The following NXPH4 variants were observed in gnomAD, a reference collection of about 807,000 sequenced individuals.
The protein encoded by NXPH4 is neurexophilin-4.
A neutral mutation model predicts 21.3 loss-of-function variants in NXPH4; 8 were observed. The ratio of observed to expected loss-of-function variants is 0.38; its 90% CI spans 0.22 to 0.68. The LOEUF is 0.68. NXPH4 is among the 30% of genes least tolerant of loss of function. The pLI, the probability that NXPH4 is intolerant of heterozygous loss-of-function variation, is 0.53. For synonymous variants in NXPH4, 219 were observed against 192.6 expected (o/e 1.14, Z -1.13); for missense variants, 418 against 416.8 (o/e 1.00, Z -0.03).
At chr12:57,217,145 C>A in intron 1 of NXPH4, 119 bp downstream of exon 1, 6 of 894,070 alleles carry the variant, frequency 6.7e-6, no homozygotes, top group Non-Finnish European at 9.9e-6. Context: ...CCCAACTTTG[C>A]GCGGCGCGGG....
Position 57,225,532 on chromosome 12 carries a change from G to A in NXPH4, c.712G>A (p.Glu238Lys). 2.5e-6 allele frequency: 4 copies of A among 1,612,954 alleles called. No homozygotes were observed. The South Asian group carries it at 4.4e-5, about 18-fold the overall frequency. The change falls in exon 2 of 2, where the codon GAG (glutamate) becomes AAG (lysine). Residue 238 changes from glutamate to lysine, a missense_variant. Transcript: ENST00000349394. ...SRAFNCHVEYEKTNRARKHRP... is the reference protein window; with the variant it reads ...SRAFNCHVEYKKTNRARKHRP... Reference sequence around the variant, plus strand: ...CGCTTTCAATTGCCACGTGGAGTATGAGAAGACAAACCGCGCGCGCAAGCA... The same window carrying A: ...CGCTTTCAATTGCCACGTGGAGTATAAGAAGACAAACCGCGCGCGCAAGCA...
chr12:57,225,716 A>G lies in NXPH4; in HGVS notation c.896A>G (p.Asn299Ser). The change falls in exon 2 of 2, where the codon AAC becomes AGC. Residue 299 changes from asparagine to serine, a missense_variant. Physicochemically the swap from Asn to Ser is conservative, Grantham distance 46 (BLOSUM62 1). Coordinates refer to ENST00000349394, the MANE Select transcript of NXPH4 (RefSeq NM_007224.4). ...GTGCAGAAGGTGTGCCCAGACTATAACTTCCAGAGTGAGCACCCCTACTTC... is the reference window on the plus strand; with the variant it reads ...GTGCAGAAGGTGTGCCCAGACTATAGCTTCCAGAGTGAGCACCCCTACTTC... ...KLVQKVCPDY[N>S]FQSEHPYFG is the part of the protein sequence containing the mutation. The G allele has an allele frequency of 6.2e-7, 1 of 1,613,294 alleles. No homozygotes were observed.
chr12:57,225,188 T>C lies in NXPH4; in HGVS notation c.368T>C (p.Leu123Pro). ...GTGCATACCCTCAAGTTTTCGCTGC[T>C]GGTGACCGGCAAGATCGTGGACCAT... ...FRVHTLKFSL[L>P]VTGKIVDHVN... Residue 123 changes from leucine (L) to proline (P), a missense_variant, in exon 2 of 2, where the codon CTG becomes CCG. Physicochemically the swap from Leu to Pro is moderately conservative, Grantham distance 98 (BLOSUM62 -3). Coordinates refer to ENST00000349394, the MANE Select transcript of NXPH4 (RefSeq NM_007224.4). 1.9e-6 allele frequency: 3 copies of C among 1,590,802 alleles called. No individual in the cohort carries two copies. The highest frequency in any genetic ancestry group is 2.6e-6 in the Non-Finnish European group (3 of 1,168,738).
At position 57,216,962 on chromosome 12, in the gene NXPH4, C is replaced by T. The variant is rs1295470384; in HGVS notation, c.-8C>T. On this transcript the variant is annotated 5_prime_UTR_variant, in exon 1 of 2. Coordinates refer to ENST00000349394, the MANE Select transcript of NXPH4 (RefSeq NM_007224.4). The surrounding 1 kb of genome is among the most constrained non-coding windows in gnomAD (Gnocchi z 5.3). ...CGCCCAGCCTGCCCCGCTCAGCCGC[C>T]AGAGAAGATGCGGCTGCTCCCGGAA... is the stretch of plus-strand genomic sequence containing the variant. 1.3e-6 allele frequency: 2 copies of T among 1,595,870 alleles called. No individual in the cohort carries two copies. Among genetic ancestry groups the T allele is most frequent in the East Asian group, 4.6e-5 (2 of 43,734 alleles).
At chr12:57,217,628 A>G (rs542713421) in intron 1 of NXPH4, among the ~76,000 whole-genome samples, 1 of 151,952 alleles carries the variant, frequency 6.6e-6, no homozygotes, top group South Asian at 2.1e-4. Flanking sequence ...CTCGTGCCCC[A>G]CTGAAGGGGG....
intron 1 of NXPH4, among the ~76,000 whole-genome samples, chr12:57,217,638 G>T (rs975737440): frequency 1.3e-5 from 2 of 152,186 alleles, no homozygotes; most frequent in Admixed American, 1.3e-4. Flanking sequence ...ACTGAAGGGG[G>T]AGGCTGTCTG....
chr12:57,217,129 G>A, intron 1 of NXPH4, 103 bp downstream of exon 1: 3 of 1,092,266 alleles, frequency 2.7e-6, no homozygotes, highest in African/African-American at 1.6e-5. Context: ...CCCCAGCTCC[G>A]AGCGTCCCAA....
chr12:57,225,728 A>C lies in NXPH4; in HGVS notation c.908A>C (p.Glu303Ala). ...TGCCCAGACTATAACTTCCAGAGTG[A>C]GCACCCCTACTTCGGATAGCGCCCC... ...KVCPDYNFQS[E>A]HPYFG The change falls in exon 2 of 2, where the codon GAG becomes GCG. Residue 303 changes from glutamate to alanine, a missense_variant. By Grantham distance (107) the Glu-to-Ala change is moderately radical. Transcript: ENST00000349394. 6.2e-7 allele frequency: 1 copy of C among 1,612,584 alleles called. No individual in the cohort carries two copies. Among genetic ancestry groups the C allele is most frequent in the Non-Finnish European group, 8.5e-7 (1 of 1,179,188 alleles).
intron 1 of NXPH4, among the ~76,000 whole-genome samples, chr12:57,219,569 G>GA (rs1402782567): frequency 1.3e-5 from 2 of 152,160 alleles, no homozygotes; most frequent in African/African-American, 4.8e-5. Context: ...CTGGCTGGCC[G>GA]AAGCCCCTCA....
At position 57,225,624 on chromosome 12, in the gene NXPH4, G is replaced by A. The variant is rs1489340080; in HGVS notation, c.804G>A (p.Trp268Ter). 2.5e-6 allele frequency: 4 copies of A among 1,613,558 alleles called. No individual in the cohort carries two copies. The highest frequency in any genetic ancestry group is 1.1e-5 in the South Asian group (1 of 91,084). The change falls in exon 2 of 2, where the codon TGG (tryptophan) becomes TGA (stop). Residue 268 changes from tryptophan to a stop codon, truncating the protein, a stop_gained. Coordinates refer to ENST00000349394, the MANE Select transcript of NXPH4 (RefSeq NM_007224.4). LOFTEE classifies it high-confidence loss of function. The part of the protein sequence containing the change: ...FTEHTQSQAA[W>*]LCAKPFKVIC... The stretch of plus-strand genomic sequence containing the variant: ...AGCACACGCAGAGCCAGGCCGCCTG[G>A]CTCTGTGCCAAGCCCTTCAAAGTCA...
chr12:57,225,423 G>A lies in NXPH4; in HGVS notation c.603G>A (p.Gly201=). The change falls in exon 2 of 2, where the codon GGG becomes GGA. Residue 201 remains glycine, a synonymous_variant. Transcript: ENST00000349394. ...TGGGGATGGCAGCAGCAGCGGCGGG[G>A]CCCGGGCTTGGGGGCTCCCTCGGGG... ...PPLGMAAAAA[G]PGLGGSLGGA... is the part of the protein sequence containing the mutation. 1 of 1,603,152 alleles carries A rather than the reference G, an allele frequency of 6.2e-7. No homozygotes were observed.
intron 1 of NXPH4, among the ~76,000 whole-genome samples, chr12:57,217,389 G>A (rs1002717547): frequency 2.6e-5 from 4 of 152,220 alleles, no homozygotes; most frequent in African/African-American, 9.6e-5. Flanking sequence ...TCGCTCGCCT[G>A]CCTCACTGTC....
chr12:57,217,663 C>A (rs1343280022), intron 1 of NXPH4, among the ~76,000 whole-genome samples: 4 of 152,216 alleles, frequency 2.6e-5, no homozygotes, highest in Non-Finnish European at 5.9e-5. Flanking sequence ...GGGAGTCTCT[C>A]CTCCCATGCC....
intron 1 of NXPH4, among the ~76,000 whole-genome samples, chr12:57,224,636 A>G (rs68176600): frequency 0.34 from 51,527 of 151,888 alleles, 8,927 homozygotes; most frequent in East Asian, 0.47. Flanking sequence ...CCACATCAGG[A>G]TTCTTGACGT....
Position 57,225,142 on chromosome 12 carries a change from T to TG in NXPH4, c.328dup (p.Asp110GlyfsTer129). 1 of 1,565,872 alleles carries TG rather than the reference T, an allele frequency of 6.4e-7. No homozygotes were observed. The highest frequency in any genetic ancestry group is 8.6e-7 in the Non-Finnish European group (1 of 1,156,460). Reference sequence around the variant, plus strand: ...GGCGCGCGCCAAAAAGATCTTCGGCTGGGGGGACTTCTACTTTCGGGTGCA... The same window carrying TG: ...GGCGCGCGCCAAAAAGATCTTCGGCTGGGGGGGACTTCTACTTTCGGGTGCA... On this transcript the variant is annotated frameshift_variant, in exon 2 of 2. Coordinates refer to ENST00000349394, the MANE Select transcript of NXPH4 (RefSeq NM_007224.4). LOFTEE classifies it high-confidence loss of function.
At chr12:57,220,320 C>A (rs1475041875) in intron 1 of NXPH4, among the ~76,000 whole-genome samples, 1 of 152,228 alleles carries the variant, frequency 6.6e-6, no homozygotes, top group Non-Finnish European at 1.5e-5. Context: ...CGCTCCGCGG[C>A]TCCCCCCAAC....
At chr12:57,223,704 G>A (rs1021359241) in intron 1 of NXPH4, among the ~76,000 whole-genome samples, 9 of 152,186 alleles carry the variant, frequency 5.9e-5, no homozygotes, top group African/African-American at 2.2e-4. Flanking sequence ...TCGCTGGAGC[G>A]GCATCTCCAT....
In NXPH4 at chr12:57,225,202, A is replaced by G. The variant is rs2037130602; in HGVS notation, c.382A>G (p.Ile128Val). 1 of 1,589,822 alleles carries G rather than the reference A, an allele frequency of 6.3e-7. No homozygotes were observed. Among genetic ancestry groups the G allele is most frequent in the Non-Finnish European group, 8.6e-7 (1 of 1,168,144 alleles). The change falls in exon 2 of 2, where the codon ATC becomes GTC. Residue 128 changes from isoleucine (I) to valine (V), a missense_variant. Physicochemically the swap from Ile to Val is conservative, Grantham distance 29 (BLOSUM62 3). Coordinates refer to ENST00000349394, the MANE Select transcript of NXPH4 (RefSeq NM_007224.4). ...GTTTTCGCTGCTGGTGACCGGCAAG[A>G]TCGTGGACCATGTGAACGGTACCTT... ...LKFSLLVTGK[I>V]VDHVNGTFSV... is the part of the protein sequence containing the mutation.
At chr12:57,218,027 C>G (rs1472641164) in intron 1 of NXPH4, among the ~76,000 whole-genome samples, 1 of 152,192 alleles carries the variant, frequency 6.6e-6, no homozygotes, top group Non-Finnish European at 1.5e-5. Context: ...GCCCCAGTCC[C>G]CCATTTTCCT....
Sources: gnomAD v4.1 joint callset for allele counts (sites outside exome capture counted in the v4.1 genomes callset) on GRCh38, gnomAD v4.1.1 for gene constraint, Gnocchi (gnomAD v3.1) non-coding constraint, MANE v1.5 for transcripts, NCBI Gene and HGNC (gene_info 2026-07-23, HGNC 2026-07-21) for gene names.